LRRC74A: variants seen among roughly 807,000 people sequenced by gnomAD.
LRRC74A encodes the protein leucine rich repeat containing 74A, also known as leucine-rich repeat-containing protein 74A.
LRRC74A carries 44 observed loss-of-function variants against 57.9 expected under a neutral mutation model. That is an observed-to-expected ratio of 0.76 (90% CI 0.60 to 0.98). The LOEUF is 0.98. LRRC74A is among the 50% of genes least tolerant of loss of function. The pLI, the probability that LRRC74A is intolerant of heterozygous loss-of-function variation, is 0.00. For missense variants in LRRC74A, 572 were observed against 574.0 expected (o/e 1.00, Z 0.04); for synonymous variants, 211 against 219.4 (o/e 0.96, Z 0.34).
At position 76,867,449 on chromosome 14, in the gene LRRC74A, G is replaced by T. The variant is rs765257922; in HGVS notation, c.1391+11G>T. 37 of 1,514,924 alleles carry T rather than the reference G, an allele frequency of 2.4e-5. No homozygotes were observed. Among genetic ancestry groups the T allele is most frequent in the Middle Eastern group, 3.4e-4 (2 of 5,840 alleles). The allele number at this position is 1,514,924 out of a possible 1,614,324, so 93.8% of individuals were successfully genotyped here. Reference sequence around the variant, plus strand: ...CATGGTGAACTTCAGGTCAGCCCAGGCCCCGCGACGATCCCCGTTCTCTGC... The same window carrying T: ...CATGGTGAACTTCAGGTCAGCCCAGTCCCCGCGACGATCCCCGTTCTCTGC... On this transcript the variant is annotated intron_variant, in intron 13 of 13. Transcript: ENST00000689127.
intron 11 of LRRC74A, 111 bp downstream of exon 11, chr14:76,860,950 C>A: frequency 9.7e-7 from 1 of 1,028,490 alleles, no homozygotes; most frequent in Non-Finnish European, 1.4e-6. Context: ...GTACAACCCT[C>A]TCTGATAAGG....
chr14:76,860,384 T>C lies in LRRC74A; in HGVS notation c.1054-309T>C, dbSNP rs536241767. Among the ~76,000 whole-genome samples, 52 of 152,352 alleles carry C rather than the reference T, an allele frequency of 3.4e-4. 1 individual carries two copies. In the South Asian group the frequency reaches 9.5e-3, roughly 28 times the overall value. On this transcript the variant is annotated intron_variant, in intron 10 of 13. Transcript: ENST00000689127. ...TCAGGGCTTTGTTTAAGGACTATCT[T>C]GCCACTCCAAAGCTGTAAATCATCT...
intron 7 of LRRC74A, among the ~76,000 whole-genome samples, chr14:76,850,862 AAAGAAAG>A (rs1276486093): frequency 2.9e-4 from 22 of 76,666 alleles, no homozygotes; most frequent in East Asian, 7.4e-4. Flanking sequence ...AAAAAAAAAA[AAAGAAAG>A]AAAGAAAGAA....
chr14:76,830,374 A>C (rs1002242512), intron 2 of LRRC74A, among the ~76,000 whole-genome samples: 2 of 152,356 alleles, frequency 1.3e-5, no homozygotes, highest in African/African-American at 2.4e-5. Context: ...GGGCACCCAG[A>C]ATCCAGGGAG....
At chr14:76,857,557 C>G in intron 10 of LRRC74A, 82 bp downstream of exon 10, 1 of 995,230 alleles carries the variant, frequency 1.0e-6, no homozygotes, top group Non-Finnish European at 1.5e-6. Flanking sequence ...TGGCCAGAGC[C>G]AACAGCTCTA....
intron 9 of LRRC74A, among the ~76,000 whole-genome samples, chr14:76,855,745 G>T (rs1306909058): frequency 6.6e-6 from 1 of 152,206 alleles, no homozygotes; most frequent in Non-Finnish European, 1.5e-5. Flanking sequence ...AGCCTGGGAC[G>T]CAGCTGACAT....
rs1282778755 is a variant in LRRC74A, at chr14:76,826,499, C to T, written c.-199C>T. ...AGACAGAGTTGGGGTCAAATTCATG[C>T]ACATCCAATTCCCATCAAAGCCTAC... On this transcript the variant is annotated 5_prime_UTR_variant, in exon 1 of 14. Transcript: ENST00000689127. 6.3e-7 allele frequency: 1 copy of T among 1,578,740 alleles called. No homozygotes were observed. Among genetic ancestry groups the T allele is most frequent in the East Asian group, 2.3e-5 (1 of 43,632 alleles).
rs572980284 is a variant in LRRC74A at position 76,831,492 on chromosome 14, ATGCCACAC to A, written c.339+122_339+129del. 2,229 of 1,094,542 alleles carry A rather than the reference ATGCCACAC, an allele frequency of 2.0e-3. 4 individuals carry two copies. Among genetic ancestry groups the A allele is most frequent in the Non-Finnish European group, 2.6e-3 (1,923 of 751,482 alleles). 67.8% of individuals were successfully genotyped at this position (1,094,542 alleles called of 1,614,324 possible). Reference sequence around the variant, plus strand: ...GCCTAAACCCACACTTTATGCCCTTATGCCACACTGCCCTGGGCTCTGCTTGGCTGCCA... The same window carrying A: ...GCCTAAACCCACACTTTATGCCCTTATGCCCTGGGCTCTGCTTGGCTGCCA... On this transcript the variant is annotated intron_variant, in intron 3 of 13. Transcript: ENST00000689127.
intron 7 of LRRC74A, 42 bp from the exon 8 acceptor site, chr14:76,852,323 T>C (rs772301136): frequency 1.3e-6 from 2 of 1,493,900 alleles, no homozygotes; most frequent in Non-Finnish European, 9.2e-7. Context: ...ATGGGTTTTC[T>C]GGGCTGTGGG....
chr14:76,852,269 G>GTGGTCTT, intron 7 of LRRC74A, 96 bp from the exon 8 acceptor site: 1 of 831,312 alleles, frequency 1.2e-6, no homozygotes, highest in Admixed American at 2.8e-5. Context: ...TGACCACTGA[G>GTGGTCTT]TGGTCTTTAT....
In LRRC74A at chr14:76,828,427, T is replaced by C. The variant is rs1039056140; in HGVS notation, c.166+8T>C. ...CAGACCTGGAGATTGAAGGCGAGCA[T>C]GGGCATTTGGGGGCAGTCAGGGCAG... On this transcript the variant is annotated splice_region_variant and intron_variant, in intron 2 of 13. Transcript: ENST00000689127. 6.2e-7 allele frequency: 1 copy of C among 1,613,740 alleles called. No individual in the cohort carries two copies. Among genetic ancestry groups the C allele is most frequent in the Non-Finnish European group, 8.5e-7 (1 of 1,179,830 alleles).
At chr14:76,863,684 C>T (rs1363496862) in intron 11 of LRRC74A, among the ~76,000 whole-genome samples, 2 of 152,180 alleles carry the variant, frequency 1.3e-5, no homozygotes, top group Admixed American at 1.3e-4. Flanking sequence ...GGGCAAGGTT[C>T]TTAGTTGCTG....
chr14:76,834,699 G>A (rs1896197591), intron 3 of LRRC74A, among the ~76,000 whole-genome samples: 1 of 152,160 alleles, frequency 6.6e-6, no homozygotes, highest in African/African-American at 2.4e-5. Flanking sequence ...AATAAATGTG[G>A]ATGGATTTGG....
In LRRC74A at chr14:76,860,758, G is replaced by A. The variant is rs757847846; in HGVS notation, c.1119G>A (p.Leu373=). Residue 373 remains leucine, a synonymous_variant, in exon 11 of 14, where the codon CTG becomes CTA. Transcript: ENST00000689127. The part of the protein sequence containing the change: ...LDGVYAVHPQ[L]DVVFKAVQGL... ...GAGTGTATGCCGTTCACCCGCAGCT[G>A]GACGTGGTATTCAAGGCAGTACAAG... 4 of 1,611,730 alleles carry A rather than the reference G, an allele frequency of 2.5e-6. No individual in the cohort carries two copies. Among genetic ancestry groups the A allele is most frequent in the Non-Finnish European group, 3.4e-6 (4 of 1,178,102 alleles).
At position 76,828,361 on chromosome 14, in the gene LRRC74A, G is replaced by C. The variant is rs754322171; in HGVS notation, c.108G>C (p.Pro36=). Residue 36 remains proline (P), a synonymous_variant, in exon 2 of 14, where the codon CCG becomes CCC. Transcript: ENST00000689127. ...TCTACTGTGAGGCCGAATCCCCGCC[G>C]ACTGTTGAAAAAGTGAAACCAGCCC... is the stretch of plus-strand genomic sequence containing the variant. The part of the protein sequence containing the change: ...KMLYCEAESP[P]TVEKVKPARE... The C allele has an allele frequency of 1.9e-6, 3 of 1,613,852 alleles. No individual in the cohort carries two copies. The Admixed American group carries it at 5.0e-5, about 27-fold the overall frequency.
In LRRC74A at chr14:76,867,953, G is replaced by A. The variant is rs188642521; in HGVS notation, c.1391+515G>A. Among the ~76,000 whole-genome samples the A allele has an allele frequency of 1.6e-4, 25 of 152,332 alleles. No individual in the cohort carries two copies. In the East Asian group the frequency reaches 2.7e-3, roughly 16 times the overall value. ...GCTACTCTGCCATGGCTTGGCAAGT[G>A]AGGGATGCTGTATCTTAGACTGAAC... On this transcript the variant is annotated intron_variant, in intron 13 of 13. Coordinates refer to ENST00000689127, the MANE Select transcript of LRRC74A (RefSeq NM_001385106.1).
At chr14:76,851,660 ATAAT>A (rs1455060257) in intron 7 of LRRC74A, among the ~76,000 whole-genome samples, 2 of 126,894 alleles carry the variant, frequency 1.6e-5, no homozygotes, top group African/African-American at 6.0e-5. Context: ...GCCTGGCCAA[ATAAT>A]TCTCACTTTT....
At chr14:76,846,156 G>A (rs966528778) in intron 7 of LRRC74A, among the ~76,000 whole-genome samples, 11 of 152,216 alleles carry the variant, frequency 7.2e-5, no homozygotes, top group African/African-American at 2.7e-4. Flanking sequence ...ATAGAGCAAT[G>A]GTCAAGGCAT....
At chr14:76,856,589 T>TGGAC (rs1290853050) in intron 9 of LRRC74A, among the ~76,000 whole-genome samples, 1 of 147,728 alleles carries the variant, frequency 6.8e-6, no homozygotes, top group Non-Finnish European at 1.5e-5. Context: ...GCTGGCTGGA[T>TGGAC]GGATGGATGG....
Sources: allele counts gnomAD v4.1 joint callset (sites outside exome capture counted in the v4.1 genomes callset), GRCh38; gene constraint gnomAD v4.1.1; transcripts MANE v1.5; gene names NCBI Gene and HGNC (gene_info 2026-07-23, HGNC 2026-07-21).